CDC25C: variants seen among roughly 807,000 people sequenced by gnomAD.
CDC25C encodes M-phase inducer phosphatase 3.
Under a neutral mutation model 52.5 loss-of-function variants are expected in CDC25C, and 48 were observed. The observed-to-expected ratio is 0.91, with a 90% CI of 0.72 to 1.16. The LOEUF is 1.16. CDC25C is among the 50% of genes most tolerant of loss of function. The probability of loss-of-function intolerance (pLI) is 0.00; values close to 1 mark genes in which losing one functional copy is unlikely to be tolerated. For missense variants in CDC25C, 510 were observed against 566.1 expected, an observed-to-expected ratio of 0.90 and a Z score of 1.01; for synonymous variants, 187 against 206.5, an observed-to-expected ratio of 0.91 and a Z score of 0.81.
chr5:138,331,172 C>T lies in CDC25C; in HGVS notation c.9G>A (p.Thr3=), dbSNP rs186282823. The change falls in exon 2 of 14, where the codon ACG becomes ACA. Residue 3 remains threonine (T), a synonymous_variant. Coordinates refer to ENST00000323760, the MANE Select transcript of CDC25C (RefSeq NM_001790.5). MS[T]ELFSSTREEG... ...CCTCTCTTGTGGATGAGAAGAGTTC[C>T]GTAGACATGGTCTTCGAATTCTCAC... is the stretch of plus-strand genomic sequence containing the variant. 21 of 1,614,036 alleles carry T rather than the reference C, an allele frequency of 1.3e-5. No individual in the cohort carries two copies. The East Asian group carries it at 4.7e-4, about 36-fold the overall frequency.
At chr5:138,286,990 G>A (rs1457737025) in intron 11 of CDC25C, among the ~76,000 whole-genome samples, 179 bp downstream of exon 11, 1 of 152,040 alleles carries the variant, frequency 6.6e-6, no homozygotes, top group East Asian at 1.9e-4. Context: ...GGAGGGAAAG[G>A]GAAAGTAACC....
chr5:138,323,780 A>T (rs1358588000), intron 6 of CDC25C, among the ~76,000 whole-genome samples: 1 of 151,960 alleles, frequency 6.6e-6, no homozygotes, highest in Non-Finnish European at 1.5e-5. Flanking sequence ...CAATATGGTG[A>T]AACCCCGTCT....
intron 7 of CDC25C, among the ~76,000 whole-genome samples, chr5:138,317,894 T>C (rs140615455): frequency 6.6e-6 from 1 of 152,296 alleles, no homozygotes; most frequent in Non-Finnish European, 1.5e-5. Context: ...ATTTATACAT[T>C]ACCATTATCC....
At chr5:138,333,836 A>C (rs1561732652), upstream of CDC25C, 1 of 152,218 alleles carries the variant, frequency 6.6e-6, no homozygotes, top group Non-Finnish European at 1.5e-5. Flanking sequence ...GAGCACTCTG[A>C]CAAAGTTGCA....
intron 7 of CDC25C, among the ~76,000 whole-genome samples, chr5:138,298,764 TA>T (rs1757404119): frequency 1.3e-5 from 2 of 148,714 alleles, no homozygotes; most frequent in African/African-American, 5.0e-5. Context: ...TAAAATAAAA[TA>T]AAAATAAAAT....
intron 7 of CDC25C, among the ~76,000 whole-genome samples, chr5:138,298,547 C>T (rs1425587222): frequency 6.6e-6 from 1 of 150,702 alleles, no homozygotes; most frequent in East Asian, 2.0e-4. Flanking sequence ...GTCAAGAGAT[C>T]GAGACCATCC....
Position 138,319,255 on chromosome 5 carries a change from T to C in CDC25C, c.579A>G (p.Glu193=). 6.2e-7 allele frequency: 1 copy of C among 1,613,716 alleles called. No individual in the cohort carries two copies. Among genetic ancestry groups the C allele is most frequent in the Non-Finnish European group, 8.5e-7 (1 of 1,179,818 alleles). The part of the protein sequence containing the change: ...GEDQAEEISD[E]LMEFSLKDQE... ...GATCTTTCAGGGAAAACTCCATTAA[T>C]TCATCTGAAATCTCTTCTGCCTGGT... The change falls in exon 7 of 14, where the codon GAA becomes GAG. Residue 193 remains glutamate, a synonymous_variant. Transcript: ENST00000323760.
At position 138,338,311 on chromosome 5, in the gene CDC25C, G is replaced by A; in HGVS notation, c.-343C>T. On this transcript the variant is annotated 5_prime_UTR_variant, in exon 1 of 6. Transcript: ENST00000510119. ...CCTGGGAGCTGGAGGAACCGCGGTA[G>A]GTGGTGGAGGGCAGGTGGCGCTGGG... is the stretch of plus-strand genomic sequence containing the variant. The A allele has an allele frequency of 3.8e-6, 2 of 528,824 alleles. 1 individual carries two copies. The highest frequency in any genetic ancestry group is 3.1e-5 in the South Asian group (2 of 65,556). The allele number at this position is 528,824 out of a possible 1,614,324, so 32.8% of individuals were successfully genotyped here.
intron 7 of CDC25C, among the ~76,000 whole-genome samples, chr5:138,298,964 G>A (rs906204806): frequency 5.9e-5 from 9 of 151,266 alleles, no homozygotes; most frequent in Non-Finnish European, 8.9e-5. Context: ...AGGCTGAGGC[G>A]GGCGGATCAC....
At chr5:138,327,610 C>A (rs1561722280) in intron 4 of CDC25C, among the ~76,000 whole-genome samples, 3 of 151,970 alleles carry the variant, frequency 2.0e-5, no homozygotes, top group African/African-American at 4.8e-5. Flanking sequence ...GCACTCCATC[C>A]TTGGCAACAG....
At chr5:138,327,010 A>C (rs1313357011) in intron 4 of CDC25C, among the ~76,000 whole-genome samples, 1 of 150,346 alleles carries the variant, frequency 6.7e-6, no homozygotes, top group African/African-American at 2.4e-5. Context: ...TAATTCCAGC[A>C]CTTTGGGAGG....
chr5:138,326,952 CAAAAA>C (rs1208599313), intron 4 of CDC25C, among the ~76,000 whole-genome samples: 1 of 61,404 alleles, frequency 1.6e-5, no homozygotes, highest in Non-Finnish European at 2.8e-5. Flanking sequence ...AACTCCGTCT[CAAAAA>C]AAAAAAAAAA....
chr5:138,302,682 A>G (rs1252472691), intron 7 of CDC25C, among the ~76,000 whole-genome samples: 2 of 150,296 alleles, frequency 1.3e-5, no homozygotes, highest in South Asian at 2.1e-4. Flanking sequence ...CTGAGCAACA[A>G]GAGCGAAACT....
chr5:138,328,646 G>T, intron 3 of CDC25C, 117 bp from the exon 4 acceptor site: 1 of 827,040 alleles, frequency 1.2e-6, no homozygotes, highest in East Asian at 2.5e-5. Context: ...CTGAGCTTTT[G>T]AATACAAAGC....
At chr5:138,336,857 C>T (rs182423266), upstream of CDC25C, 4 of 152,094 alleles carry the variant, frequency 2.6e-5, no homozygotes, top group Non-Finnish European at 5.9e-5. Context: ...CCTCATTTTT[C>T]CTCTACTCTT....
At chr5:138,324,271 A>AAAAT (rs536317925) in intron 6 of CDC25C, among the ~76,000 whole-genome samples, 61 of 152,048 alleles carry the variant, frequency 4.0e-4, no homozygotes, top group South Asian at 1.9e-3. Context: ...ACTCTGTCTC[A>AAAAT]AAATAAATAA....
intron 1 of CDC25C, 122 bp downstream of exon 1, chr5:138,331,473 T>G: frequency 1.1e-4 from 79 of 694,670 alleles, no homozygotes; most frequent in East Asian, 1.5e-4. Flanking sequence ...AGAACCCGGG[T>G]CTCGTAACTC....
intron 6 of CDC25C, among the ~76,000 whole-genome samples, chr5:138,323,354 T>C (rs920385747): frequency 2.6e-5 from 4 of 152,134 alleles, no homozygotes; most frequent in Admixed American, 2.6e-4. Context: ...GCTCAAGCAA[T>C]CCTCCCAATT....
chr5:138,300,504 A>T (rs1757550009), intron 7 of CDC25C, among the ~76,000 whole-genome samples: 1 of 152,076 alleles, frequency 6.6e-6, no homozygotes, highest in Non-Finnish European at 1.5e-5. Flanking sequence ...TTGAGGCTGC[A>T]GTGAGCCGTG....
Sources: allele counts gnomAD v4.1 joint callset (sites outside exome capture counted in the v4.1 genomes callset), GRCh38; gene constraint gnomAD v4.1.1; transcripts MANE v1.5; gene names NCBI Gene and HGNC (gene_info 2026-07-23, HGNC 2026-07-21).